The following KCNG3 variants were observed in gnomAD, a reference collection of about 807,000 sequenced individuals.
The protein encoded by KCNG3 is voltage-gated potassium channel regulatory subunit KCNG3.
A neutral mutation model predicts 29.0 loss-of-function variants in KCNG3; 15 were observed. The ratio of observed to expected loss-of-function variants is 0.52; its 90% CI spans 0.35 to 0.80. KCNG3 has a LOEUF of 0.80. Ranked by LOEUF, KCNG3 falls within the 30% of genes least tolerant of loss-of-function variation. The pLI is 0.01. For missense variants in KCNG3, 512 were observed against 605.7 expected (o/e 0.85, Z 1.62); for synonymous variants, 322 against 248.9 (o/e 1.29, Z -2.76).
At chr2:42,463,995 C>A (rs1024820562) in intron 1 of KCNG3, 2 of 280,800 alleles carry the variant, frequency 7.1e-6, no homozygotes, top group Non-Finnish European at 1.4e-5. Context: ...GAGGCTTAAC[C>A]ATCTTCTGCT....
chr2:42,404,283 A>C, the KCNG3 span, among the ~76,000 whole-genome samples: 4 of 146,572 alleles, frequency 2.7e-5, no homozygotes, highest in African/African-American at 9.9e-5. Flanking sequence ...TCTTTTCATC[A>C]GTTGTGCCTG....
chr2:42,410,132 G>A, the KCNG3 span, among the ~76,000 whole-genome samples: 3 of 152,094 alleles, frequency 2.0e-5, no homozygotes, highest in African/African-American at 4.8e-5. Context: ...AGGTGGATAA[G>A]AGCTTCCTAC....
At chr2:42,408,569 A>T in the KCNG3 span, among the ~76,000 whole-genome samples, 1 of 152,040 alleles carries the variant, frequency 6.6e-6, no homozygotes, top group Non-Finnish European at 1.5e-5. Context: ...CCTCTTTGCT[A>T]GGAGCTGAAC....
chr2:42,422,381 C>T, the KCNG3 span, among the ~76,000 whole-genome samples: 1 of 152,070 alleles, frequency 6.6e-6, no homozygotes, highest in Non-Finnish European at 1.5e-5. Flanking sequence ...AGGCCCTCAC[C>T]AGAGGGCCTT....
the KCNG3 span, among the ~76,000 whole-genome samples, chr2:42,392,758 C>T: frequency 6.6e-6 from 1 of 151,602 alleles, no homozygotes; most frequent in African/African-American, 2.4e-5. Flanking sequence ...GGCATCTCAT[C>T]GTCTGGACGC....
chr2:42,422,037 C>CA, the KCNG3 span, among the ~76,000 whole-genome samples: 5 of 152,120 alleles, frequency 3.3e-5, no homozygotes, highest in African/African-American at 9.6e-5. Context: ...AAGTAAAAGC[C>CA]AGAGTTTATG....
intron 1 of KCNG3, among the ~76,000 whole-genome samples, chr2:42,459,681 T>C (rs950382845): frequency 6.6e-6 from 1 of 152,116 alleles, no homozygotes; most frequent in Non-Finnish European, 1.5e-5. Context: ...AGCACAGTTA[T>C]GTAAGATGTT....
At chr2:42,450,349 C>G (rs1672718423) in intron 1 of KCNG3, among the ~76,000 whole-genome samples, 1 of 152,198 alleles carries the variant, frequency 6.6e-6, no homozygotes, top group Non-Finnish European at 1.5e-5. Flanking sequence ...TTTTCACCTT[C>G]AATTATGCCA....
the KCNG3 span, among the ~76,000 whole-genome samples, chr2:42,429,300 T>A: frequency 6.6e-6 from 1 of 152,156 alleles, no homozygotes; most frequent in Admixed American, 6.5e-5. Flanking sequence ...TTTGAAGAGA[T>A]CTAGAAATCT....
chr2:42,488,794 C>T (rs1418656636), intron 1 of KCNG3, among the ~76,000 whole-genome samples: 1 of 152,116 alleles, frequency 6.6e-6, no homozygotes, highest in South Asian at 2.1e-4. Context: ...AGGTGATCCG[C>T]CTGCCTCGGC....
intron 1 of KCNG3, among the ~76,000 whole-genome samples, chr2:42,446,585 A>C (rs962887762): frequency 6.6e-5 from 10 of 152,216 alleles, no homozygotes; most frequent in Non-Finnish European, 1.3e-4. Context: ...CATCAGAAGT[A>C]CAATGGAGAG....
chr2:42,397,039 T>C, the KCNG3 span, among the ~76,000 whole-genome samples: 2 of 151,940 alleles, frequency 1.3e-5, no homozygotes, highest in African/African-American at 4.8e-5. Flanking sequence ...TGGGTCAGCA[T>C]TTTGAGACCA....
the KCNG3 span, among the ~76,000 whole-genome samples, chr2:42,402,307 A>G: frequency 6.6e-6 from 1 of 152,228 alleles, no homozygotes; most frequent in Non-Finnish European, 1.5e-5. Flanking sequence ...ATATCATATG[A>G]GCCAGTTCCC....
At chr2:42,421,685 A>T in the KCNG3 span, among the ~76,000 whole-genome samples, 5 of 152,084 alleles carry the variant, frequency 3.3e-5, no homozygotes, top group African/African-American at 1.2e-4. Context: ...AGGAGTTGCA[A>T]ATGGAGAACA....
chr2:42,390,294 G>A, the KCNG3 span, among the ~76,000 whole-genome samples: 2 of 152,150 alleles, frequency 1.3e-5, no homozygotes, highest in Non-Finnish European at 2.9e-5. Flanking sequence ...AAAAAAAATG[G>A]ATTAGGAATA....
the KCNG3 span, among the ~76,000 whole-genome samples, chr2:42,423,041 T>G: frequency 6.6e-6 from 1 of 152,164 alleles, no homozygotes; most frequent in Non-Finnish European, 1.5e-5. Context: ...AGCCAAGGAT[T>G]CCAAAATCCT....
rs1673965759 is a variant in KCNG3, at chr2:42,493,406, C to T, written c.96G>A (p.Leu32=). The change falls in exon 1 of 2, where the codon CTG becomes CTA. Residue 32 remains leucine, a synonymous_variant. Transcript: ENST00000306078. ...AGCCGTGCAGCCGGCTCACGCGGCG[C>T]AGCGGGAAGTCCTTCAGCAGCTCCC... ...LSRELLKDFP[L]RRVSRLHGCR... is the part of the protein sequence containing the mutation. 5 of 1,516,612 alleles carry T rather than the reference C, an allele frequency of 3.3e-6. No individual in the cohort carries two copies. In the East Asian group the frequency reaches 1.2e-4, roughly 36 times the overall value. 93.9% of individuals were successfully genotyped at this position (1,516,612 alleles called of 1,614,324 possible).
chr2:42,467,720 A>C (rs1390300510), intron 1 of KCNG3, among the ~76,000 whole-genome samples: 1 of 151,218 alleles, frequency 6.6e-6, no homozygotes, highest in Non-Finnish European at 1.5e-5. Context: ...CAGTAATCCT[A>C]GCGCTTTGGG....
chr2:42,466,411 CAAACAA>C (rs372146144), intron 1 of KCNG3, among the ~76,000 whole-genome samples: 4 of 152,210 alleles, frequency 2.6e-5, no homozygotes, highest in South Asian at 4.2e-4. Flanking sequence ...CTGTCTCAAA[CAAACAA>C]AAACAAAAAC....
Sources: allele counts gnomAD v4.1 joint callset (sites outside exome capture counted in the v4.1 genomes callset), GRCh38; gene constraint gnomAD v4.1.1; transcripts MANE v1.5; gene names NCBI Gene and HGNC (gene_info 2026-07-23, HGNC 2026-07-21).